Variants in CA10 observed in about 807,000 individuals in gnomAD.
CA10 encodes the protein carbonic anhydrase 10 (inactive), also known as carbonic anhydrase-related protein 10.
A neutral mutation model predicts 44.2 loss-of-function variants in CA10; 14 were observed. The ratio of observed to expected loss-of-function variants is 0.32; its 90% CI spans 0.21 to 0.50. The LOEUF (loss-of-function observed/expected upper bound fraction) is 0.50. Among genes scored for constraint, CA10 ranks in the 20% least tolerant of loss-of-function variants. The pLI is 0.99. For synonymous variants in CA10, 159 were observed against 141.6 expected (o/e 1.12, Z -0.87); for missense variants, 350 against 409.7 (o/e 0.85, Z 1.26).
At chr17:51,917,275 C>T (rs1982040112) in intron 3 of CA10, among the ~76,000 whole-genome samples, 1 of 107,716 alleles carries the variant, frequency 9.3e-6, no homozygotes, top group African/African-American at 2.6e-5. Flanking sequence ...GCAGGATAAG[C>T]CAGCTCCTTA....
intron 1 of CA10, among the ~76,000 whole-genome samples, chr17:52,119,457 T>C (rs1336690401): frequency 6.6e-6 from 1 of 152,042 alleles, no homozygotes; most frequent in Non-Finnish European, 1.5e-5. Flanking sequence ...CTGTACAGGG[T>C]TCCTGACCCA....
At chr17:51,676,149 C>T (rs911567533) in intron 4 of CA10, among the ~76,000 whole-genome samples, 4 of 152,178 alleles carry the variant, frequency 2.6e-5, no homozygotes, top group East Asian at 1.9e-4. Flanking sequence ...ATACCTATGA[C>T]CGGCATTGCT....
intron 3 of CA10, among the ~76,000 whole-genome samples, chr17:51,871,050 C>CTTTTTTT (rs56319440): frequency 1.1e-5 from 1 of 94,854 alleles, no homozygotes; most frequent in Non-Finnish European, 2.2e-5. Flanking sequence ...TCCCACTTTA[C>CTTTTTTT]TTTTTTTTTT....
chr17:51,802,375 C>T (rs185702998), intron 3 of CA10, among the ~76,000 whole-genome samples: 16 of 152,140 alleles, frequency 1.1e-4, no homozygotes, highest in Non-Finnish European at 1.6e-4. Context: ...GCTCACTCTG[C>T]CATGCACTCT....
At chr17:51,901,385 T>G (rs762317647) in intron 3 of CA10, among the ~76,000 whole-genome samples, 42 of 152,086 alleles carry the variant, frequency 2.8e-4, no homozygotes, top group Non-Finnish European at 3.1e-4. Context: ...AAAGCTGCTG[T>G]ACAAGAGGGG....
intron 1 of CA10, among the ~76,000 whole-genome samples, chr17:52,095,743 G>T (rs1988386157): frequency 6.6e-6 from 1 of 151,994 alleles, no homozygotes; most frequent in Non-Finnish European, 1.5e-5. Context: ...CCTGGGTTTT[G>T]GTATATTTAC....
chr17:52,118,585 T>C (rs1988947461), intron 1 of CA10, among the ~76,000 whole-genome samples: 1 of 152,162 alleles, frequency 6.6e-6, no homozygotes, highest in Admixed American at 6.5e-5. Flanking sequence ...AACAGGATTA[T>C]TTGACATGTT....
At chr17:51,934,372 T>C (rs201307828) in intron 2 of CA10, among the ~76,000 whole-genome samples, 1 of 16,594 alleles carries the variant, frequency 6.0e-5, no homozygotes, top group African/African-American at 1.9e-4. Flanking sequence ...TCTAAACCCC[T>C]TCCTCTCCAG....
At chr17:51,747,862 C>T in intron 3 of CA10, 44 bp from the exon 4 acceptor site, 1 of 1,463,236 alleles carries the variant, frequency 6.8e-7, no homozygotes, top group African/African-American at 1.4e-5. Context: ...CCTCCTTCTT[C>T]TATGCCTCCC....
chr17:51,632,061 T>C (rs1193152950), intron 8 of CA10, among the ~76,000 whole-genome samples: 1 of 152,212 alleles, frequency 6.6e-6, no homozygotes, highest in African/African-American at 2.4e-5. Flanking sequence ...ACAATACCTG[T>C]TTTTATAAAT....
chr17:52,039,218 A>C (rs2144187982), intron 2 of CA10, among the ~76,000 whole-genome samples: 1 of 152,236 alleles, frequency 6.6e-6, no homozygotes, highest in East Asian at 1.9e-4. Flanking sequence ...CTCTCTGAGT[A>C]TTATTATTGT....
intron 3 of CA10, among the ~76,000 whole-genome samples, chr17:51,756,472 G>GT (rs11452726): frequency 0.44 from 58,049 of 132,176 alleles, 13,395 homozygotes; most frequent in Middle Eastern, 0.54. Flanking sequence ...TGAGGTAGTT[G>GT]TTTTTTTTTT....
At chr17:52,059,380 T>A (rs1234747167) in intron 2 of CA10, among the ~76,000 whole-genome samples, 2 of 152,064 alleles carry the variant, frequency 1.3e-5, no homozygotes, top group South Asian at 4.1e-4. Flanking sequence ...TTGCCTAAGA[T>A]CTCATGTTTG....
intron 3 of CA10, among the ~76,000 whole-genome samples, chr17:51,858,362 G>A (rs1979146013): frequency 6.6e-6 from 1 of 152,080 alleles, no homozygotes; most frequent in Non-Finnish European, 1.5e-5. Context: ...GGGACAACGA[G>A]GAAAATGTGC....
chr17:51,827,284 C>T (rs998684370), intron 3 of CA10, among the ~76,000 whole-genome samples: 1 of 152,048 alleles, frequency 6.6e-6, no homozygotes, highest in Non-Finnish European at 1.5e-5. Flanking sequence ...CTTCTCAGAG[C>T]ATTTCATTTG....
chr17:51,667,234 A>G (rs1273008410), intron 4 of CA10, among the ~76,000 whole-genome samples: 1 of 152,178 alleles, frequency 6.6e-6, no homozygotes, highest in Non-Finnish European at 1.5e-5. Flanking sequence ...CTTTTGGGCC[A>G]AGTTAAATCT....
chr17:51,779,750 T>A (rs567264384), intron 3 of CA10, among the ~76,000 whole-genome samples: 13 of 152,316 alleles, frequency 8.5e-5, no homozygotes, highest in Non-Finnish European at 1.6e-4. Context: ...TCTAGGTGAT[T>A]CAAATTCATG....
chr17:52,053,373 GAGA>G (rs1183258419), intron 2 of CA10, among the ~76,000 whole-genome samples: 1 of 151,898 alleles, frequency 6.6e-6, no homozygotes, highest in African/African-American at 2.4e-5. Context: ...TAGCATGAGA[GAGA>G]AGAACCAAGA....
intron 2 of CA10, among the ~76,000 whole-genome samples, chr17:51,959,797 G>GAAAAAA (rs3062037): frequency 1.8e-5 from 2 of 112,368 alleles, no homozygotes; most frequent in Non-Finnish European, 3.5e-5. Flanking sequence ...CTGCTAAGAT[G>GAAAAAA]AAAAAAAAAA....
Sources: gnomAD v4.1 joint callset for allele counts (sites outside exome capture counted in the v4.1 genomes callset) on GRCh38, gnomAD v4.1.1 for gene constraint, MANE v1.5 for transcripts, NCBI Gene and HGNC (gene_info 2026-07-23, HGNC 2026-07-21) for gene names.